Variants in ADGRB3 observed in about 807,000 individuals in gnomAD.
ADGRB3 encodes adhesion G protein-coupled receptor B3.
A neutral mutation model predicts 193.4 loss-of-function variants in ADGRB3; 37 were observed. The observed-to-expected ratio is 0.19, with a 90% CI of 0.15 to 0.25. ADGRB3 has a LOEUF of 0.25. ADGRB3 is among the 10% of genes least tolerant of loss of function. The probability of loss-of-function intolerance (pLI) is 1.00; values close to 1 mark genes in which losing one functional copy is unlikely to be tolerated. For synonymous variants in ADGRB3, 690 were observed against 644.2 expected, an observed-to-expected ratio of 1.07 and a Z score of -1.08; for missense variants, 1,637 against 1,852.9, an observed-to-expected ratio of 0.88 and a Z score of 2.14.
intron 17 of ADGRB3, among the ~76,000 whole-genome samples, chr6:69,142,354 G>A (rs1774364140): frequency 1.3e-5 from 2 of 152,166 alleles, no homozygotes; most frequent in Admixed American, 1.3e-4. Context: ...CATAATAAAA[G>A]TATATCTGTC....
At chr6:69,329,573 G>C (rs1189932550) in intron 22 of ADGRB3, among the ~76,000 whole-genome samples, 1 of 152,176 alleles carries the variant, frequency 6.6e-6, no homozygotes. Context: ...TTTATTGTTA[G>C]AACAGATATA....
chr6:69,272,111 C>T (rs568482317), intron 20 of ADGRB3, among the ~76,000 whole-genome samples: 8 of 152,282 alleles, frequency 5.3e-5, no homozygotes, highest in South Asian at 2.1e-4. Context: ...CACATGCACA[C>T]GCTGCACCCA....
intron 17 of ADGRB3, among the ~76,000 whole-genome samples, chr6:69,185,142 A>G (rs1046087399): frequency 1.3e-5 from 2 of 152,152 alleles, no homozygotes; most frequent in Middle Eastern, 3.2e-3. Flanking sequence ...TGTAGGAACA[A>G]GGGAAATAAG....
chr6:68,865,316 C>A (rs1244264298), intron 3 of ADGRB3, among the ~76,000 whole-genome samples: 1 of 152,036 alleles, frequency 6.6e-6, no homozygotes, highest in Non-Finnish European at 1.5e-5. Context: ...ATTAAAATTA[C>A]ATTTTCTCTT....
intron 10 of ADGRB3, 77 bp downstream of exon 10, chr6:68,975,417 G>C: frequency 9.2e-7 from 1 of 1,089,846 alleles, no homozygotes; most frequent in Non-Finnish European, 1.4e-6. Flanking sequence ...TTAACCTTCT[G>C]CTGTACAATC....
chr6:69,234,264 A>G (rs867048348), intron 18 of ADGRB3, among the ~76,000 whole-genome samples: 5 of 152,302 alleles, frequency 3.3e-5, no homozygotes, highest in Admixed American at 6.5e-5. Flanking sequence ...TAATTAATTA[A>G]CGTCATGTAA....
At chr6:68,656,539 T>TAA (rs1369322128) in intron 3 of ADGRB3, among the ~76,000 whole-genome samples, 1 of 151,616 alleles carries the variant, frequency 6.6e-6, no homozygotes, top group African/African-American at 2.4e-5. Flanking sequence ...CATAAACTTG[T>TAA]AAATTTGTTC....
chr6:68,750,341 G>C (rs1766172101), intron 3 of ADGRB3, among the ~76,000 whole-genome samples: 2 of 152,116 alleles, frequency 1.3e-5, no homozygotes, highest in African/African-American at 4.8e-5. Context: ...CTCGGGGATA[G>C]GGTGAATTTT....
chr6:68,743,201 C>A (rs530243389), intron 3 of ADGRB3, among the ~76,000 whole-genome samples: 1 of 152,114 alleles, frequency 6.6e-6, no homozygotes, highest in African/African-American at 2.4e-5. Context: ...CTGAATATAT[C>A]TGCCAAGTCT....
rs756465278 is a variant in ADGRB3, at chr6:69,233,308, G to T, written c.2499G>T (p.Thr833=). Reference sequence around the variant, plus strand: ...TTTGCAGGAACGAGTCTTTGGGAACGTGGTCCACCCAGGGATGTAAAACTG... The same window carrying T: ...TTTGCAGGAACGAGTCTTTGGGAACTTGGTCCACCCAGGGATGTAAAACTG... ...DDSKTNESLG[T]WSTQGCKTVL... The change falls in exon 18 of 32, where the codon ACG becomes ACT. Residue 833 remains threonine, a synonymous_variant. Transcript: ENST00000370598. The T allele has an allele frequency of 2.5e-6, 4 of 1,613,516 alleles. No homozygotes were observed. Among genetic ancestry groups the T allele is most frequent in the Non-Finnish European group, 2.5e-6 (3 of 1,179,844 alleles).
intron 15 of ADGRB3, among the ~76,000 whole-genome samples, chr6:69,051,961 C>T (rs1312452255): frequency 1.3e-5 from 2 of 152,170 alleles, no homozygotes; most frequent in Non-Finnish European, 2.9e-5. Context: ...GTGGCGCGAT[C>T]TCCGCTCACT....
rs145069086 is a variant in ADGRB3, at chr6:69,014,944, G to A, written c.1998+838G>A. On this transcript the variant is annotated intron_variant, in intron 12 of 31. Coordinates refer to ENST00000370598, the MANE Select transcript of ADGRB3 (RefSeq NM_001704.3). ...GCATGCCTTTTATCCTATTGTGACA[G>A]GAGCTCTAAAAATAGTCCAGTGTGG... Among the ~76,000 whole-genome samples, 203 of 151,958 alleles carry A rather than the reference G, an allele frequency of 1.3e-3. 2 individuals are homozygous for A. Among genetic ancestry groups the A allele is most frequent in the Non-Finnish European group, 2.2e-3 (147 of 67,896 alleles).
At position 69,118,958 on chromosome 6, in the gene ADGRB3, C is replaced by T. The variant is rs140849995; in HGVS notation, c.2480+42920C>T. On this transcript the variant is annotated intron_variant, in intron 17 of 31. Coordinates refer to ENST00000370598, the MANE Select transcript of ADGRB3 (RefSeq NM_001704.3). ...ATGATAAATATGCTGTAAAAGAATA[C>T]AATATGAATTAAGCTGTAATTTTCT... Among the ~76,000 whole-genome samples the T allele has an allele frequency of 2.0e-3, 304 of 152,158 alleles. 2 individuals carry two copies. Among genetic ancestry groups the T allele is most frequent in the African/African-American group, 7.2e-3 (298 of 41,542 alleles).
intron 20 of ADGRB3, among the ~76,000 whole-genome samples, chr6:69,259,646 A>G (rs756446621): frequency 4.7e-4 from 68 of 144,368 alleles, no homozygotes; most frequent in Non-Finnish European, 9.2e-4. Flanking sequence ...CAGTGAGCCG[A>G]GATGGCGCCA....
chr6:68,788,000 A>G (rs1264528682), intron 3 of ADGRB3, among the ~76,000 whole-genome samples: 1 of 152,024 alleles, frequency 6.6e-6, no homozygotes, highest in Non-Finnish European at 1.5e-5. Context: ...TGGTGGTGAT[A>G]TCCCCTTTAT....
At chr6:69,231,949 A>G (rs1000819137) in intron 17 of ADGRB3, among the ~76,000 whole-genome samples, 8 of 152,188 alleles carry the variant, frequency 5.3e-5, no homozygotes, top group African/African-American at 9.7e-5. Flanking sequence ...TGGAAGTTCA[A>G]CTGTCACAAA....
At chr6:68,930,494 A>G in intron 3 of ADGRB3, 65 bp from the exon 4 acceptor site, 3 of 1,078,730 alleles carry the variant, frequency 2.8e-6, no homozygotes, top group South Asian at 1.4e-5. Context: ...ATTGCATGAG[A>G]CAGTAATGTA....
chr6:69,380,105 A>G (rs1769916497), intron 30 of ADGRB3, among the ~76,000 whole-genome samples: 1 of 151,978 alleles, frequency 6.6e-6, no homozygotes, highest in South Asian at 2.1e-4. Context: ...ATTCAATCAG[A>G]ATATAATTAT....
intron 12 of ADGRB3, among the ~76,000 whole-genome samples, chr6:69,015,233 C>T (rs1216616113): frequency 6.6e-6 from 1 of 151,830 alleles, no homozygotes; most frequent in African/African-American, 2.4e-5. Flanking sequence ...ATGTAATATC[C>T]TATCTAAAAC....
Sources: allele counts gnomAD v4.1 joint callset (sites outside exome capture counted in the v4.1 genomes callset), GRCh38; gene constraint gnomAD v4.1.1; transcripts MANE v1.5; gene names NCBI Gene and HGNC (gene_info 2026-07-23, HGNC 2026-07-21).